Variants in IQCM observed in about 807,000 individuals in gnomAD.
IQCM encodes IQ motif containing M.
In IQCM, 45 loss-of-function variants were observed where a neutral mutation model predicts 57.6. That is an observed-to-expected ratio of 0.78 (90% CI 0.62 to 1.00). The LOEUF (loss-of-function observed/expected upper bound fraction) is 1.00. Ranked by LOEUF, IQCM falls within the 50% of genes least tolerant of loss-of-function variation. The pLI is 0.00. For synonymous variants in IQCM, 148 were observed against 158.9 expected (o/e 0.93, Z 0.51); for missense variants, 468 against 511.6 (o/e 0.91, Z 0.82).
chr4:149,393,096 G>T (rs1381056689), intron 13 of IQCM, among the ~76,000 whole-genome samples: 1 of 151,910 alleles, frequency 6.6e-6, no homozygotes, highest in Non-Finnish European at 1.5e-5. Context: ...GCTCATATGA[G>T]CCCAGGAATT....
At chr4:149,481,510 A>G (rs1289173034) in intron 12 of IQCM, among the ~76,000 whole-genome samples, 1 of 151,776 alleles carries the variant, frequency 6.6e-6, no homozygotes, top group Admixed American at 6.6e-5. Context: ...TATTAAACAG[A>G]CTGTCTTTTT....
chr4:149,482,067 CTT>C lies in IQCM; in HGVS notation c.1229-48512_1229-48511del, dbSNP rs1457888416. ...TTATAAATGGAATTGCTTTTTATGT[CTT>C]TTTTGGATTGTTCACTGTTGACATA... On this transcript the variant is annotated intron_variant, in intron 12 of 13. Coordinates refer to ENST00000636793, the MANE Select transcript of IQCM (RefSeq NM_001363507.2). Among the ~76,000 whole-genome samples the C allele has an allele frequency of 2.0e-5, 3 of 151,362 alleles. No individual in the cohort carries two copies. In the South Asian group the frequency reaches 6.3e-4, roughly 32 times the overall value.
intron 13 of IQCM, 144 bp from the exon 14 acceptor site, chr4:149,352,210 C>T (rs927986683): frequency 7.6e-6 from 3 of 392,410 alleles, no homozygotes; most frequent in Non-Finnish European, 1.3e-5. Flanking sequence ...GGCTCATTTC[C>T]TTCGGGTGTA....
At chr4:149,353,482 G>A (rs1348117436) in intron 13 of IQCM, among the ~76,000 whole-genome samples, 3 of 152,104 alleles carry the variant, frequency 2.0e-5, no homozygotes. Flanking sequence ...TTATCTACAC[G>A]TGCACATTCA....
chr4:149,384,942 G>T (rs1292895007), intron 13 of IQCM, among the ~76,000 whole-genome samples: 1 of 151,794 alleles, frequency 6.6e-6, no homozygotes, highest in Non-Finnish European at 1.5e-5. Context: ...TAGTGATTTA[G>T]CTTCTTTACT....
At chr4:149,757,807 G>A (rs569881622) in intron 2 of IQCM, among the ~76,000 whole-genome samples, 4 of 152,008 alleles carry the variant, frequency 2.6e-5, no homozygotes, top group South Asian at 2.1e-4. Flanking sequence ...TTAAGCACAC[G>A]TGGGGCATTT....
chr4:149,468,898 C>G (rs138456091), intron 12 of IQCM, among the ~76,000 whole-genome samples: 1 of 152,194 alleles, frequency 6.6e-6, no homozygotes, highest in Non-Finnish European at 1.5e-5. Flanking sequence ...TCCAACAGAC[C>G]TGCAGCTGTG....
chr4:149,546,920 C>T (rs1032631519), intron 12 of IQCM, among the ~76,000 whole-genome samples: 2 of 152,066 alleles, frequency 1.3e-5, no homozygotes, highest in African/African-American at 4.8e-5. Context: ...AATGGTATTG[C>T]CTAGGTTTTC....
At chr4:149,699,695 CAAAAAAAAAAAAA>C (rs34250922) in intron 5 of IQCM, among the ~76,000 whole-genome samples, 54 of 25,938 alleles carry the variant, frequency 2.1e-3, no homozygotes, top group South Asian at 0.013. Context: ...GTTTGAGTGG[CAAAAAAAAAAAAA>C]AAAAAAAAAA....
chr4:149,515,282 A>G (rs908589450), intron 12 of IQCM, among the ~76,000 whole-genome samples: 4 of 152,090 alleles, frequency 2.6e-5, no homozygotes, highest in Non-Finnish European at 4.4e-5. Context: ...ATGCGACCTG[A>G]ATTGCCCATC....
chr4:149,553,746 T>G (rs933132231), intron 10 of IQCM, among the ~76,000 whole-genome samples: 3 of 152,302 alleles, frequency 2.0e-5, no homozygotes, highest in South Asian at 2.1e-4. Flanking sequence ...CTTTTTAAGG[T>G]TTTTTTGTTG....
chr4:149,538,587 A>C (rs1403940125), intron 12 of IQCM, among the ~76,000 whole-genome samples: 2 of 151,958 alleles, frequency 1.3e-5, no homozygotes. Flanking sequence ...AATCAAACAG[A>C]CTACATTTTT....
chr4:149,389,090 T>C (rs1053038099), intron 13 of IQCM, among the ~76,000 whole-genome samples: 2 of 151,956 alleles, frequency 1.3e-5, no homozygotes, highest in Non-Finnish European at 2.9e-5. Flanking sequence ...TTTACTCTTA[T>C]GTTTTATTCT....
intron 7 of IQCM, among the ~76,000 whole-genome samples, chr4:149,648,589 C>G (rs1579842162): frequency 6.6e-6 from 1 of 152,306 alleles, no homozygotes; most frequent in African/African-American, 2.4e-5. Context: ...AATGGTATTT[C>G]TAGTTCTAGA....
chr4:149,360,284 A>C (rs944137407), intron 13 of IQCM, among the ~76,000 whole-genome samples: 3 of 152,244 alleles, frequency 2.0e-5, no homozygotes, highest in African/African-American at 7.2e-5. Flanking sequence ...AATGCAGTGC[A>C]ATACATATTT....
intron 2 of IQCM, among the ~76,000 whole-genome samples, chr4:149,790,821 G>A (rs958235739): frequency 1.3e-5 from 2 of 151,762 alleles, no homozygotes; most frequent in African/African-American, 4.9e-5. Context: ...TTCAGAATGG[G>A]TTTATATGAT....
chr4:149,409,754 A>T (rs549102399), intron 13 of IQCM, among the ~76,000 whole-genome samples: 1 of 152,124 alleles, frequency 6.6e-6, no homozygotes, highest in Non-Finnish European at 1.5e-5. Flanking sequence ...CTCCCTCTCT[A>T]AAAGCAGCAA....
rs187984980 is a variant in IQCM, at chr4:149,655,075, A to G, written c.565+27043T>C. Among the ~76,000 whole-genome samples the G allele has an allele frequency of 2.6e-4, 39 of 152,222 alleles. 1 individual carries two copies. Among genetic ancestry groups the G allele is most frequent in the Middle Eastern group, 3.4e-3 (1 of 294 alleles). On this transcript the variant is annotated intron_variant, in intron 7 of 13. Transcript: ENST00000636793. Reference sequence around the variant, plus strand: ...ACCACTGGTCTAAAGATGCCATCTCAATCTTGCTTTAGGATATATACATGA... The same window carrying G: ...ACCACTGGTCTAAAGATGCCATCTCGATCTTGCTTTAGGATATATACATGA...
At chr4:149,734,755 A>C (rs565390435) in intron 4 of IQCM, among the ~76,000 whole-genome samples, 64 of 152,158 alleles carry the variant, frequency 4.2e-4, no homozygotes, top group Admixed American at 4.2e-3. Context: ...GCTCTCCTCC[A>C]AAATGTCACC....
Sources: gnomAD v4.1 joint callset for allele counts (sites outside exome capture counted in the v4.1 genomes callset) on GRCh38, gnomAD v4.1.1 for gene constraint, MANE v1.5 for transcripts, NCBI Gene and HGNC (gene_info 2026-07-23, HGNC 2026-07-21) for gene names.